The following NECAB2 variants were observed in gnomAD, a reference collection of about 807,000 sequenced individuals.
NECAB2 encodes N-terminal EF-hand calcium-binding protein 2.
In NECAB2, 68 loss-of-function variants were observed where a neutral mutation model predicts 51.9. The ratio of observed to expected loss-of-function variants is 1.31; its 90% CI spans 1.08 to 1.60. The LOEUF (loss-of-function observed/expected upper bound fraction) is 1.60, where lower values mean the gene tolerates loss of function less well. Among genes scored for constraint, NECAB2 ranks in the 40% most tolerant of loss-of-function variants. The probability of loss-of-function intolerance (pLI) is 0.00; values close to 1 mark genes in which losing one functional copy is unlikely to be tolerated. For missense variants in NECAB2, 854 were observed against 490.3 expected, an observed-to-expected ratio of 1.74 and a Z score of -7.00; for synonymous variants, 329 against 203.5, an observed-to-expected ratio of 1.62 and a Z score of -5.25.
At chr16:83,971,974 C>T (rs1423162417) in intron 1 of NECAB2, 177 bp from the exon 2 acceptor site, 3 of 785,114 alleles carry the variant, frequency 3.8e-6, no homozygotes, top group African/African-American at 1.7e-5. Flanking sequence ...CTGCAACATC[C>T]CTCATCAGTT....
intron 2 of NECAB2, among the ~76,000 whole-genome samples, chr16:83,976,027 C>T (rs899412143): frequency 3.3e-5 from 5 of 151,766 alleles, no homozygotes; most frequent in South Asian, 2.1e-4. Flanking sequence ...CCCTGTGTGC[C>T]GAGGGGGCAC....
intron 2 of NECAB2, among the ~76,000 whole-genome samples, chr16:83,976,562 C>T (rs899911465): frequency 6.6e-6 from 1 of 152,182 alleles, no homozygotes; most frequent in African/African-American, 2.4e-5. Context: ...TCACTTATCT[C>T]GTGGCTGACT....
At chr16:83,984,241 C>G (rs111249218) in intron 5 of NECAB2, among the ~76,000 whole-genome samples, 3 of 151,704 alleles carry the variant, frequency 2.0e-5, no homozygotes, top group Non-Finnish European at 2.9e-5. Flanking sequence ...GTGATCTGTC[C>G]TCCTCGGCCT....
At chr16:83,986,513 A>C (rs976702068) in intron 5 of NECAB2, among the ~76,000 whole-genome samples, 1 of 152,020 alleles carries the variant, frequency 6.6e-6, no homozygotes, top group Non-Finnish European at 1.5e-5. Flanking sequence ...CTTCCTGTGC[A>C]TTTCTGTATA....
At chr16:83,972,558 C>T (rs1004193267) in intron 2 of NECAB2, among the ~76,000 whole-genome samples, 2 of 152,228 alleles carry the variant, frequency 1.3e-5, no homozygotes, top group African/African-American at 4.8e-5. Flanking sequence ...TCACGCTAGG[C>T]CCTTCACAAG....
At position 83,968,643 on chromosome 16, in the gene NECAB2, G is replaced by A; in HGVS notation, c.-6G>A. ...GCTTCCGGGCGGCGGCGGCGGGCGC[G>A]GCGCGATGTGCGAGCGGGCGGCGCG... On this transcript the variant is annotated 5_prime_UTR_variant, in exon 1 of 13. Transcript: ENST00000305202. 1.0e-6 allele frequency: 1 copy of A among 979,854 alleles called. No individual in the cohort carries two copies. Among genetic ancestry groups the A allele is most frequent in the Non-Finnish European group, 1.2e-6 (1 of 827,864 alleles). 60.7% of individuals were successfully genotyped at this position (979,854 alleles called of 1,614,324 possible).
At chr16:83,994,011 G>C (rs1277658615) in intron 6 of NECAB2, among the ~76,000 whole-genome samples, 1 of 152,178 alleles carries the variant, frequency 6.6e-6, no homozygotes, top group Non-Finnish European at 1.5e-5. Flanking sequence ...TGGGTCCCTG[G>C]CTCAGCCTCA....
chr16:83,965,491 C>G (rs767041199), upstream of NECAB2: 3 of 1,611,150 alleles, frequency 1.9e-6, no homozygotes, highest in Non-Finnish European at 1.7e-6. Context: ...ACGCCCGCCA[C>G]TACAACATCC....
rs112753317 is a variant in NECAB2, at chr16:84,002,360, G to A, written c.*14G>A. On this transcript the variant is annotated 3_prime_UTR_variant, in exon 13 of 13. Transcript: ENST00000305202. ...GGACGGGACTGACAGCCTCCCAGAG[G>A]CCCGTGGAGGAGCCCACCAGCCCCT... The A allele has an allele frequency of 3.9e-4, 626 of 1,613,710 alleles. 2 individuals are homozygous for A. The African/African-American group carries it at 7.6e-3, about 20-fold the overall frequency.
At chr16:83,992,685 G>A (rs192034659) in intron 6 of NECAB2, among the ~76,000 whole-genome samples, 385 of 152,246 alleles carry the variant, frequency 2.5e-3, no homozygotes, top group African/African-American at 8.7e-3. Context: ...TCCCAAATGA[G>A]TTTGATCTGA....
rs942785112 is a variant in NECAB2 at position 84,002,176 on chromosome 16, G to A, written c.1133-142G>A. 4 of 1,141,724 alleles carry A rather than the reference G, an allele frequency of 3.5e-6. No individual in the cohort carries two copies. In the African/African-American group the frequency reaches 4.6e-5, roughly 13 times the overall value. The allele number at this position is 1,141,724 out of a possible 1,614,324, so 70.7% of individuals were successfully genotyped here. A position where few individuals can be genotyped will look rare whatever the true frequency, so the allele number is the denominator to read the frequency against. On this transcript the variant is annotated intron_variant, in intron 12 of 12. Transcript: ENST00000305202. ...ATTTCCCTTCCCAGGTGTGTGGTTT[G>A]CACCTGGGTGACCAGCAAGGACCTG...
rs761928530 is a variant in NECAB2, at chr16:83,981,115, T to A, written c.447T>A (p.Gly149=). Residue 149 remains glycine (G), a synonymous_variant, in exon 5 of 13, where the codon GGT becomes GGA. Transcript: ENST00000305202. ...TLNHSVLKAM[G]YTKKVYEGGS... Reference sequence around the variant, plus strand: ...ATCACTCTGTCCTGAAGGCCATGGGTTATACCAAGAAGGTCAGTGGGTGTA... The same window carrying A: ...ATCACTCTGTCCTGAAGGCCATGGGATATACCAAGAAGGTCAGTGGGTGTA... The A allele has an allele frequency of 6.2e-7, 1 of 1,613,768 alleles. No homozygotes were observed. Among genetic ancestry groups the A allele is most frequent in the Non-Finnish European group, 8.5e-7 (1 of 1,179,902 alleles).
chr16:83,965,847 A>T, upstream of NECAB2: 1 of 1,612,876 alleles, frequency 6.2e-7, no homozygotes, highest in Non-Finnish European at 8.5e-7. Flanking sequence ...GCCAAGAGGA[A>T]CCCCATTGAC....
At chr16:83,970,317 C>G (rs1030793542) in intron 1 of NECAB2, among the ~76,000 whole-genome samples, 1 of 152,172 alleles carries the variant, frequency 6.6e-6, no homozygotes, top group African/African-American at 2.4e-5. Flanking sequence ...CCGGCACCTA[C>G]CTGGTGCCTG....
At chr16:83,974,217 C>G (rs533406234) in intron 2 of NECAB2, among the ~76,000 whole-genome samples, 1 of 152,260 alleles carries the variant, frequency 6.6e-6, no homozygotes, top group South Asian at 2.1e-4. Flanking sequence ...TCCCAGGTCC[C>G]CCAGCCTGAC....
In NECAB2 at chr16:84,002,331, G is replaced by T. The variant is rs150498968; in HGVS notation, c.1146G>T (p.Thr382=). ...CTCTCCTTTTAGCTGCTTGGTGCACGGTGGGACGGGACTGACAGCCTCCCA... is the reference window on the plus strand; with the variant it reads ...CTCTCCTTTTAGCTGCTTGGTGCACTGTGGGACGGGACTGACAGCCTCCCA... The part of the protein sequence containing the change: ...SRILVPAAWC[T]VGRD Residue 382 remains threonine (T), a synonymous_variant, in exon 13 of 13, where the codon ACG becomes ACT. Transcript: ENST00000305202. 14 of 1,613,922 alleles carry T rather than the reference G, an allele frequency of 8.7e-6. No homozygotes were observed. The African/African-American group carries it at 1.6e-4, about 18-fold the overall frequency.
intron 8 of NECAB2, 111 bp downstream of exon 8, chr16:83,994,799 T>A (rs1014675683): frequency 8.1e-7 from 1 of 1,231,134 alleles, no homozygotes. Flanking sequence ...CAGGGAACCA[T>A]GAAAAAGACA....
At chr16:83,977,571 C>T (rs1228814691) in intron 2 of NECAB2, among the ~76,000 whole-genome samples, 1 of 152,058 alleles carries the variant, frequency 6.6e-6, no homozygotes, top group African/African-American at 2.4e-5. Context: ...ACCCATCCCT[C>T]CACAGAGCCC....
intron 1 of NECAB2, among the ~76,000 whole-genome samples, chr16:83,970,893 G>C (rs112882411): frequency 0.012 from 1,821 of 152,300 alleles, 25 homozygotes; most frequent in African/African-American, 0.041. Context: ...AGGGGTTCGA[G>C]ACCAGCTTGA....
Sources: gnomAD v4.1 joint callset for allele counts (sites outside exome capture counted in the v4.1 genomes callset) on GRCh38, gnomAD v4.1.1 for gene constraint, MANE v1.5 for transcripts, NCBI Gene and HGNC (gene_info 2026-07-23, HGNC 2026-07-21) for gene names.